Variants in SGCD observed in about 807,000 individuals in gnomAD.
SGCD encodes the protein delta-sarcoglycan.
In SGCD, 18 loss-of-function variants were observed where a neutral mutation model predicts 36.6. That is an observed-to-expected ratio of 0.49 (90% CI 0.34 to 0.73). The LOEUF is 0.73. SGCD is among the 30% of genes least tolerant of loss of function. The pLI is 0.01. For missense variants in SGCD, 387 were observed against 346.7 expected, an observed-to-expected ratio of 1.12 and a Z score of -0.92; for synonymous variants, 133 against 130.6, an observed-to-expected ratio of 1.02 and a Z score of -0.12.
intron 1 of SGCD, among the ~76,000 whole-genome samples, chr5:156,018,883 G>A (rs1223890686): frequency 6.6e-6 from 1 of 152,078 alleles, no homozygotes; most frequent in African/African-American, 2.4e-5. Flanking sequence ...CTTAGCAGTT[G>A]ACACTGCATA....
chr5:156,136,731 G>C (rs145274374), intron 3 of SGCD, among the ~76,000 whole-genome samples: 11 of 152,244 alleles, frequency 7.2e-5, no homozygotes, highest in African/African-American at 2.4e-4. Flanking sequence ...GACATTTAAT[G>C]ATATTCAAAT....
chr5:155,733,700 A>C, the SGCD span, among the ~76,000 whole-genome samples: 5 of 152,054 alleles, frequency 3.3e-5, no homozygotes, highest in African/African-American at 7.2e-5. Flanking sequence ...TGGAGAAGTA[A>C]AAGTTGAAAG....
chr5:156,192,217 G>A (rs905553888), intron 3 of SGCD, among the ~76,000 whole-genome samples: 3 of 152,128 alleles, frequency 2.0e-5, no homozygotes, highest in African/African-American at 7.2e-5. Context: ...AGATGTCCTG[G>A]AAGTGATTTA....
chr5:155,915,751 A>G (rs181228227), intron 1 of SGCD, among the ~76,000 whole-genome samples: 51 of 152,338 alleles, frequency 3.3e-4, no homozygotes, highest in Admixed American at 1.5e-3. Context: ...ATTATTTGAA[A>G]CATTTCAAAA....
intron 6 of SGCD, among the ~76,000 whole-genome samples, chr5:156,639,593 A>G (rs1337169254): frequency 6.6e-6 from 1 of 152,160 alleles, no homozygotes; most frequent in Non-Finnish European, 1.5e-5. Context: ...AACTCTTGCT[A>G]TATTCATTTC....
chr5:155,747,574 T>C, the SGCD span, among the ~76,000 whole-genome samples: 5 of 152,192 alleles, frequency 3.3e-5, no homozygotes, highest in African/African-American at 4.8e-5. Flanking sequence ...AAAGATGAGA[T>C]GGTGAACTAA....
intron 1 of SGCD, among the ~76,000 whole-genome samples, chr5:155,890,501 T>C (rs1756099316): frequency 6.6e-6 from 1 of 151,892 alleles, no homozygotes; most frequent in African/African-American, 2.4e-5. Flanking sequence ...CCCAGCTACT[T>C]GGGAGGCTGA....
At chr5:155,770,800 A>T in the SGCD span, among the ~76,000 whole-genome samples, 57 of 152,128 alleles carry the variant, frequency 3.7e-4, no homozygotes, top group Non-Finnish European at 6.5e-4. Flanking sequence ...AGTCCTCTTT[A>T]TCAGTTTTTA....
intron 1 of SGCD, among the ~76,000 whole-genome samples, chr5:156,048,074 T>G (rs924741512): frequency 6.6e-6 from 1 of 152,170 alleles, no homozygotes; most frequent in East Asian, 1.9e-4. Context: ...CATGCGGTGT[T>G]TGGTTTTTTG....
intron 4 of SGCD, among the ~76,000 whole-genome samples, chr5:156,536,301 A>G (rs908682799): frequency 3.3e-5 from 5 of 152,096 alleles, no homozygotes; most frequent in Non-Finnish European, 7.3e-5. Context: ...TAGTGTGTGG[A>G]GCAGCTGGAA....
chr5:156,497,170 A>ACTCT (rs10559912), intron 3 of SGCD, among the ~76,000 whole-genome samples: 2,389 of 145,318 alleles, frequency 0.016, 20 homozygotes, highest in Middle Eastern at 0.038. Context: ...ACTCTCCTGC[A>ACTCT]CTCTCTCTCT....
chr5:156,549,098 GA>G (rs372757735), intron 4 of SGCD, among the ~76,000 whole-genome samples: 7 of 144,378 alleles, frequency 4.8e-5, no homozygotes, highest in South Asian at 4.2e-4. Context: ...GTCTAAAAAT[GA>G]AAAAAAAATC....
At chr5:156,580,809 T>C (rs6894554) in intron 4 of SGCD, among the ~76,000 whole-genome samples, 26,189 of 152,164 alleles carry the variant, frequency 0.17, 2,636 homozygotes, top group African/African-American at 0.26. Flanking sequence ...TCTAATCTTT[T>C]TTCAAGGTTT....
chr5:156,011,218 C>A (rs770708058), intron 1 of SGCD, among the ~76,000 whole-genome samples: 6 of 152,042 alleles, frequency 3.9e-5, no homozygotes, highest in Non-Finnish European at 8.8e-5. Flanking sequence ...TTAAATAGTA[C>A]AGGTTTGCAA....
At chr5:156,749,440 A>G (rs560894103) in intron 7 of SGCD, among the ~76,000 whole-genome samples, 1 of 152,302 alleles carries the variant, frequency 6.6e-6, no homozygotes, top group South Asian at 2.1e-4. Flanking sequence ...AAACATAAAA[A>G]TAGATCAGAT....
the SGCD span, among the ~76,000 whole-genome samples, chr5:155,751,276 T>C: frequency 6.6e-6 from 1 of 152,222 alleles, no homozygotes; most frequent in African/African-American, 2.4e-5. Context: ...AAGTTATCAA[T>C]GGATATGGAT....
At chr5:156,419,853 GGTGA>G (rs1180654939) in intron 3 of SGCD, among the ~76,000 whole-genome samples, 1 of 152,124 alleles carries the variant, frequency 6.6e-6, no homozygotes, top group East Asian at 1.9e-4. Flanking sequence ...TAGTTGCCAA[GGTGA>G]GTGTGTGTCT....
chr5:156,049,151 T>C (rs1231746251), intron 1 of SGCD, among the ~76,000 whole-genome samples: 1 of 146,296 alleles, frequency 6.8e-6, no homozygotes, highest in Non-Finnish European at 1.5e-5. Flanking sequence ...GCAGCATTAT[T>C]TCTGAGGGCT....
chr5:155,834,196 A>G, the SGCD span, among the ~76,000 whole-genome samples: 1 of 33,454 alleles, frequency 3.0e-5, no homozygotes, highest in South Asian at 6.9e-4. Context: ...CTCCTTTAAG[A>G]CTAAATACTC....
Sources: gnomAD v4.1 joint callset for allele counts (sites outside exome capture counted in the v4.1 genomes callset) on GRCh38, gnomAD v4.1.1 for gene constraint, MANE v1.5 for transcripts, NCBI Gene and HGNC (gene_info 2026-07-23, HGNC 2026-07-21) for gene names.